NPC1: variants seen among roughly 807,000 people sequenced by gnomAD.
NPC1 encodes NPC intracellular cholesterol transporter 1, also known as Niemann-Pick C1 protein.
NPC1 carries 85 observed loss-of-function variants against 140.4 expected under a neutral mutation model. The observed-to-expected ratio is 0.61, with a 90% CI of 0.51 to 0.72. NPC1 has a LOEUF of 0.72. Ranked by LOEUF, NPC1 falls within the 30% of genes least tolerant of loss-of-function variation. The pLI, the probability that NPC1 is intolerant of heterozygous loss-of-function variation, is 0.00. For missense variants in NPC1, 1,504 were observed against 1,623.8 expected, an observed-to-expected ratio of 0.93 and a Z score of 1.27; for synonymous variants, 656 against 624.8, an observed-to-expected ratio of 1.05 and a Z score of -0.74.
At position 23,561,410 on chromosome 18, in the gene NPC1, A is replaced by G. The variant is rs1474425411; in HGVS notation, c.581T>C (p.Phe194Ser). ...AGGTGCCTGTCCATTGTCCTTATTG[A>G]ACATGTATTCAATCCAGTTGGTGGC... ...CNATNWIEYM[F>S]NKDNGQAPFT... The change falls in exon 5 of 25, where the codon TTC becomes TCC. Residue 194 changes from phenylalanine (F) to serine (S), a missense_variant. By Grantham distance (155) the Phe-to-Ser change is radical. Transcript: ENST00000269228. 3 of 1,614,072 alleles carry G rather than the reference A, an allele frequency of 1.9e-6. No individual in the cohort carries two copies. The East Asian group carries it at 6.7e-5, about 36-fold the overall frequency.
chr18:23,554,726 G>A (rs1292525772), intron 9 of NPC1, 32 bp downstream of exon 9: 8 of 1,556,674 alleles, frequency 5.1e-6, no homozygotes, highest in Non-Finnish European at 6.2e-6. Context: ...CCCAAGAATG[G>A]TGTCTACCAA....
chr18:23,531,203 C>A (rs1467402814), downstream of NPC1, among the ~76,000 whole-genome samples: 1 of 152,092 alleles, frequency 6.6e-6, no homozygotes, highest in East Asian at 1.9e-4. Flanking sequence ...ATTGTCCAGG[C>A]TGGTCTCAAA....
chr18:23,544,875 A>T, intron 12 of NPC1, 85 bp downstream of exon 12: 3 of 982,410 alleles, frequency 3.1e-6, no homozygotes, highest in Non-Finnish European at 4.8e-6. Context: ...AACATAATGG[A>T]ATAAGAATAA....
chr18:23,527,542 A>G (rs1362819910), downstream of NPC1, among the ~76,000 whole-genome samples: 1 of 150,694 alleles, frequency 6.6e-6, no homozygotes, highest in Non-Finnish European at 1.5e-5. Flanking sequence ...GGCCTACCCA[A>G]AGTGCTGGGA....
rs1260240602 is a variant in NPC1, at chr18:23,532,102, A to G, written c.*100T>C. 5.6e-6 allele frequency: 9 copies of G among 1,613,304 alleles called. No individual in the cohort carries two copies. The South Asian group carries it at 8.8e-5, about 16-fold the overall frequency. On this transcript the variant is annotated 3_prime_UTR_variant, in exon 25 of 25. Transcript: ENST00000269228. ...TGCTGCCAAACAACCGATGGTTGGC[A>G]CCATCCGGTGTTCAACTTGGCCTTG...
intron 1 of NPC1, chr18:23,524,169 A>C (rs2058226348): frequency 1.2e-6 from 2 of 1,613,738 alleles, no homozygotes; most frequent in Non-Finnish European, 1.7e-6. Flanking sequence ...GTTCCATGTA[A>C]ACTCTGTATC....
chr18:23,555,223 C>T (rs2058932832), intron 8 of NPC1, among the ~76,000 whole-genome samples: 1 of 152,242 alleles, frequency 6.6e-6, no homozygotes, highest in South Asian at 2.1e-4. Flanking sequence ...GGGGGAACAC[C>T]ATGACCAGAA....
chr18:23,537,555 G>A (rs1306363133), intron 20 of NPC1, among the ~76,000 whole-genome samples: 1 of 152,120 alleles, frequency 6.6e-6, no homozygotes, highest in Non-Finnish European at 1.5e-5. Context: ...ATGTAACCCC[G>A]AGCAAAATGA....
At chr18:23,529,081 G>C, downstream of NPC1, 1 of 1,508,350 alleles carries the variant, frequency 6.6e-7, no homozygotes, top group East Asian at 2.3e-5. Context: ...CTCATATCCT[G>C]GGTCCACATC....
chr18:23,576,564 C>T lies in NPC1; in HGVS notation c.58-2990G>A, dbSNP rs1788802. 38 of 963,674 alleles carry T rather than the reference C, an allele frequency of 3.9e-5. No individual in the cohort carries two copies. In the African/African-American group the frequency reaches 6.2e-4, roughly 16 times the overall value. The allele number at this position is 963,674 out of a possible 1,614,324, so 59.7% of individuals were successfully genotyped here. A position where few individuals can be genotyped will look rare whatever the true frequency, so the allele number is the denominator to read the frequency against. On this transcript the variant is annotated intron_variant, in intron 1 of 24. Transcript: ENST00000269228. ...CGGAATTGGTGGGTTCTTGGTCTCA[C>T]TGACTTCAAGAATGAAGCCGCGGAC...
intron 3 of NPC1, among the ~76,000 whole-genome samples, chr18:23,569,989 G>T (rs561546525): frequency 1.3e-5 from 2 of 152,314 alleles, no homozygotes; most frequent in African/African-American, 4.8e-5. Flanking sequence ...CTCCGATTCA[G>T]TCCCAGTGAC....
At chr18:23,517,749 G>A (rs999970528), downstream of NPC1, among the ~76,000 whole-genome samples, 6 of 151,314 alleles carry the variant, frequency 4.0e-5, no homozygotes, top group South Asian at 4.2e-4. Flanking sequence ...GGAGAGTGTC[G>A]CTCTGTTGCC....
intron 4 of NPC1, among the ~76,000 whole-genome samples, chr18:23,566,927 T>C (rs980329501): frequency 2.6e-5 from 4 of 152,252 alleles, no homozygotes; most frequent in African/African-American, 7.2e-5. Context: ...AGTGGAATCA[T>C]AGTGAGTAGT....
intron 6 of NPC1, among the ~76,000 whole-genome samples, chr18:23,557,418 A>G (rs2058970377): frequency 6.6e-6 from 1 of 152,168 alleles, no homozygotes; most frequent in Non-Finnish European, 1.5e-5. Context: ...GGATAATTTC[A>G]CCTTGTGGCC....
intron 24 of NPC1, 39 bp from the exon 25 acceptor site, chr18:23,532,323 A>G (rs1484120864): frequency 6.2e-7 from 1 of 1,612,598 alleles, no homozygotes. Flanking sequence ...TCTGCAGGAG[A>G]AAGGGAGCTA....
chr18:23,575,706 C>T (rs2059265636), intron 1 of NPC1, among the ~76,000 whole-genome samples: 1 of 138,118 alleles, frequency 7.2e-6, no homozygotes, highest in Non-Finnish European at 1.5e-5. Context: ...GAAATTTGGG[C>T]TTGAATCAAC....
Position 23,534,442 on chromosome 18 carries a change from T to G in NPC1, c.3591+4A>C. 6.2e-7 allele frequency: 1 copy of G among 1,606,238 alleles called. No individual in the cohort carries two copies. The highest frequency in any genetic ancestry group is 1.1e-5 in the South Asian group (1 of 90,930). On this transcript the variant is annotated splice_donor_region_variant and intron_variant, in intron 23 of 24. Transcript: ENST00000269228. The stretch of plus-strand genomic sequence containing the variant: ...GCCGGCGTGGCCCTGCTCAGGGTAC[T>G]CACGGAGCTGCCCATGTGGGCAAGT...
intron 8 of NPC1, among the ~76,000 whole-genome samples, chr18:23,555,425 G>T (rs771471200): frequency 1.3e-5 from 2 of 152,238 alleles, no homozygotes. Context: ...CAGAGAAGAT[G>T]ATCTTGGAGG....
intron 24 of NPC1, among the ~76,000 whole-genome samples, chr18:23,532,695 CTT>C (rs61493442): frequency 7.3e-6 from 1 of 136,812 alleles, no homozygotes; most frequent in Admixed American, 7.4e-5. Flanking sequence ...GTGCTCATCT[CTT>C]TTTTTTTTTT....
Sources: allele counts gnomAD v4.1 joint callset (sites outside exome capture counted in the v4.1 genomes callset), GRCh38; gene constraint gnomAD v4.1.1; transcripts MANE v1.5; gene names NCBI Gene and HGNC (gene_info 2026-07-23, HGNC 2026-07-21).